The following RUNX1 variants were observed in gnomAD, a reference collection of about 807,000 sequenced individuals.
RUNX1 encodes the protein runt-related transcription factor 1.
In RUNX1, 19 loss-of-function variants were observed where a neutral mutation model predicts 42.8. The ratio of observed to expected loss-of-function variants is 0.44; its 90% CI spans 0.31 to 0.65. The LOEUF (loss-of-function observed/expected upper bound fraction) is 0.65, where lower values mean the gene tolerates loss of function less well. RUNX1 is among the 30% of genes least tolerant of loss of function. RUNX1 has a pLI of 0.07. For synonymous variants in RUNX1, 271 were observed against 289.4 expected, an observed-to-expected ratio of 0.94 and a Z score of 0.64; for missense variants, 528 against 672.0, an observed-to-expected ratio of 0.79 and a Z score of 2.37.
At chr21:34,955,890 G>T (rs1348042314) in intron 2 of RUNX1, among the ~76,000 whole-genome samples, 1 of 152,160 alleles carries the variant, frequency 6.6e-6, no homozygotes, top group Non-Finnish European at 1.5e-5. Context: ...TCCGGAATAG[G>T]CAAGAAGTCA....
intron 6 of RUNX1, among the ~76,000 whole-genome samples, chr21:34,840,332 A>G (rs998522190): frequency 6.6e-6 from 1 of 152,190 alleles, no homozygotes; most frequent in African/African-American, 2.4e-5. Flanking sequence ...GTCCCAGGGA[A>G]ACGTGAATGC....
intron 6 of RUNX1, among the ~76,000 whole-genome samples, chr21:34,851,826 C>G (rs1389167771): frequency 6.6e-6 from 1 of 152,178 alleles, no homozygotes. Flanking sequence ...CTGGAAGGAA[C>G]TCTTATTTTG....
chr21:35,015,982 G>GTT (rs1207103847), intron 2 of RUNX1, among the ~76,000 whole-genome samples: 6 of 152,188 alleles, frequency 3.9e-5, no homozygotes, highest in Non-Finnish European at 7.3e-5. Flanking sequence ...GACCTTTGTT[G>GTT]TGAGTTTCAT....
intron 2 of RUNX1, among the ~76,000 whole-genome samples, chr21:34,903,927 G>A (rs966902422): frequency 1.3e-5 from 2 of 151,998 alleles, no homozygotes; most frequent in East Asian, 1.9e-4. Context: ...CTCTAATTAC[G>A]TAATTATATT....
At chr21:35,023,513 T>G (rs1239207079) in intron 2 of RUNX1, among the ~76,000 whole-genome samples, 2 of 152,178 alleles carry the variant, frequency 1.3e-5, no homozygotes, top group African/African-American at 4.8e-5. Flanking sequence ...GGACTGTGGA[T>G]GACTGTCTCC....
At chr21:34,873,901 G>A (rs964510439) in intron 5 of RUNX1, among the ~76,000 whole-genome samples, 4 of 152,210 alleles carry the variant, frequency 2.6e-5, no homozygotes, top group Admixed American at 2.6e-4. Context: ...AAATACAGAC[G>A]TTGAAGTGCT....
Position 34,834,438 on chromosome 21 carries a change from A to G in RUNX1, c.777T>C (p.Phe259=), listed in dbSNP as rs2146074789. Residue 259 remains phenylalanine (F), a synonymous_variant, in exon 7 of 9, where the codon TTT becomes TTC. Coordinates refer to ENST00000675419, the MANE Select transcript of RUNX1 (RefSeq NM_001754.5). ...GCATCTGACTCTGAGGCTGAGGGTT[A>G]AAGGCAGTGGAGTGGTTCAGGGAGG... ...PRASLNHSTA[F]NPQPQSQMQD... is the part of the protein sequence containing the mutation. 1 of 1,610,014 alleles carries G rather than the reference A, an allele frequency of 6.2e-7. No individual in the cohort carries two copies.
intron 2 of RUNX1, among the ~76,000 whole-genome samples, chr21:34,990,845 C>G (rs1420715205): frequency 6.6e-6 from 1 of 152,168 alleles, no homozygotes; most frequent in East Asian, 1.9e-4. Context: ...CCCGCCTCGG[C>G]CTTCCAAAGT....
intron 6 of RUNX1, 53 bp downstream of exon 6, chr21:34,859,421 C>T (rs2057539764): frequency 1.6e-6 from 2 of 1,287,098 alleles, no homozygotes; most frequent in Non-Finnish European, 1.1e-6. Context: ...GTATACCAGC[C>T]TGGAGGGTGT....
intron 5 of RUNX1, among the ~76,000 whole-genome samples, chr21:34,862,848 T>C (rs530082325): frequency 1.2e-3 from 182 of 152,362 alleles, no homozygotes; most frequent in Non-Finnish European, 2.2e-3. Context: ...GCTCCCATCA[T>C]GGCTCTACCA....
At chr21:34,839,563 T>G (rs1374552777) in intron 6 of RUNX1, among the ~76,000 whole-genome samples, 1 of 152,174 alleles carries the variant, frequency 6.6e-6, no homozygotes, top group East Asian at 1.9e-4. Context: ...CCATCTCACT[T>G]CTGCTCCCAG....
intron 2 of RUNX1, among the ~76,000 whole-genome samples, chr21:34,982,068 G>A (rs962389561): frequency 2.6e-5 from 4 of 152,206 alleles, no homozygotes; most frequent in African/African-American, 9.7e-5. Context: ...TGGAGGAGCC[G>A]TACAGACAGA....
chr21:34,900,802 C>A (rs2058171392), intron 2 of RUNX1, among the ~76,000 whole-genome samples: 1 of 152,178 alleles, frequency 6.6e-6, no homozygotes, highest in East Asian at 1.9e-4. Context: ...CCCTATGAAA[C>A]ACACCTGACG....
At chr21:34,867,214 T>A (rs2057674834) in intron 5 of RUNX1, among the ~76,000 whole-genome samples, 2 of 151,760 alleles carry the variant, frequency 1.3e-5, no homozygotes, top group Admixed American at 6.6e-5. Flanking sequence ...CTGGGCAGCT[T>A]GGTGAAACCC....
rs190788627 is a variant in RUNX1, at chr21:35,040,496, G to A, written c.58+8346C>T. 2.4e-3 allele frequency among the ~76,000 whole-genome samples: 363 copies of A among 152,162 alleles called. 4 individuals carry two copies. The highest frequency in any genetic ancestry group is 8.1e-3 in the African/African-American group (336 of 41,498). ...TTAAAAAACTCACCTAGGATGGGCCGGGTGCAGTGGCTCATACCTGTAATC... is the reference window on the plus strand; with the variant it reads ...TTAAAAAACTCACCTAGGATGGGCCAGGTGCAGTGGCTCATACCTGTAATC... On this transcript the variant is annotated intron_variant, in intron 2 of 8. Coordinates refer to ENST00000675419, the MANE Select transcript of RUNX1 (RefSeq NM_001754.5).
At chr21:34,861,738 C>T (rs2057579270) in intron 5 of RUNX1, among the ~76,000 whole-genome samples, 1 of 152,208 alleles carries the variant, frequency 6.6e-6, no homozygotes, top group Non-Finnish European at 1.5e-5. Context: ...CACCCTTCAC[C>T]CGAGTCTTCC....
At chr21:34,882,359 TC>T (rs1569080564) in intron 4 of RUNX1, among the ~76,000 whole-genome samples, 1 of 151,726 alleles carries the variant, frequency 6.6e-6, no homozygotes, top group Non-Finnish European at 1.5e-5. Context: ...TGAACATACT[TC>T]CAACCCCAAG....
intron 2 of RUNX1, among the ~76,000 whole-genome samples, chr21:34,946,086 C>A (rs1418579197): frequency 6.6e-6 from 1 of 152,174 alleles, no homozygotes; most frequent in Non-Finnish European, 1.5e-5. Flanking sequence ...AAGTGACTGT[C>A]CCACTTTTAG....
At chr21:34,940,070 T>TA (rs1169382846) in intron 2 of RUNX1, among the ~76,000 whole-genome samples, 1 of 152,178 alleles carries the variant, frequency 6.6e-6, no homozygotes, top group African/African-American at 2.4e-5. Context: ...CAGATTTTTG[T>TA]AAAAAAATCA....
Sources: gnomAD v4.1 joint callset for allele counts (sites outside exome capture counted in the v4.1 genomes callset) on GRCh38, gnomAD v4.1.1 for gene constraint, MANE v1.5 for transcripts, NCBI Gene and HGNC (gene_info 2026-07-23, HGNC 2026-07-21) for gene names.